Variants in NUGGC observed in about 807,000 individuals in gnomAD.
NUGGC encodes nuclear GTPase SLIP-GC.
In NUGGC, 58 loss-of-function variants were observed where a neutral mutation model predicts 92.6. That is an observed-to-expected ratio of 0.63 (90% confidence interval 0.51 to 0.78). The LOEUF is 0.78. Among genes scored for constraint, NUGGC ranks in the 30% least tolerant of loss-of-function variants. NUGGC has a pLI of 0.00. For synonymous variants in NUGGC, 376 were observed against 366.4 expected (o/e 1.03, Z -0.30); for missense variants, 925 against 964.6 (o/e 0.96, Z 0.54).
chr8:28,076,058 G>A (rs1279265286), intron 1 of NUGGC, among the ~76,000 whole-genome samples: 3 of 152,094 alleles, frequency 2.0e-5, no homozygotes, highest in Non-Finnish European at 2.9e-5. Context: ...CATTCCCCCC[G>A]TGTGTCCCCG....
Position 28,060,541 on chromosome 8 carries a change from G to GC in NUGGC, c.981dup (p.Gln328AlafsTer9). 1 of 1,613,142 alleles carries GC rather than the reference G, an allele frequency of 6.2e-7. No homozygotes were observed. The highest frequency in any genetic ancestry group is 1.7e-5 in the Admixed American group (1 of 59,954). ...TCATTCAGAAGGTCTTCGTGGGCTT[G>GC]CCCCCCAGAAACTCGCTCTATGTCG... On this transcript the variant is annotated frameshift_variant, in exon 8 of 19. Transcript: ENST00000413272. LOFTEE classifies it high-confidence loss of function.
chr8:28,068,980 C>A (rs1810518710), intron 4 of NUGGC, among the ~76,000 whole-genome samples: 1 of 152,184 alleles, frequency 6.6e-6, no homozygotes, highest in South Asian at 2.1e-4. Flanking sequence ...CCGCCTCGGC[C>A]TCCCAAAGTG....
At chr8:28,069,708 G>T in intron 3 of NUGGC, 56 bp from the exon 4 acceptor site, 1 of 931,718 alleles carries the variant, frequency 1.1e-6, no homozygotes, top group South Asian at 1.3e-5. Context: ...AAAGTACTAG[G>T]TCTCCAAAGG....
At position 28,023,360 on chromosome 8, in the gene NUGGC, C is replaced by T. The variant is rs982876365; in HGVS notation, c.2348G>A (p.Arg783Lys). 9 of 1,613,820 alleles carry T rather than the reference C, an allele frequency of 5.6e-6. No individual in the cohort carries two copies. The highest frequency in any genetic ancestry group is 4.0e-5 in the African/African-American group (3 of 74,934). The change falls in exon 19 of 19, where the codon AGG becomes AAG. Residue 783 changes from arginine (R) to lysine (K), a missense_variant. Transcript: ENST00000413272. ...GGGGCCAGCCTTGCTGGGGGATGCCCTTAGGAGGAATTCTTGCATGCCCTT... is the reference window on the plus strand; with the variant it reads ...GGGGCCAGCCTTGCTGGGGGATGCCTTTAGGAGGAATTCTTGCATGCCCTT... ...LRKGMQEFLL[R>K]ASPSKAGPPG...
intron 10 of NUGGC, among the ~76,000 whole-genome samples, chr8:28,052,673 G>C (rs1352028659): frequency 6.6e-6 from 1 of 152,198 alleles, no homozygotes; most frequent in Non-Finnish European, 1.5e-5. Flanking sequence ...CCAGAACTGG[G>C]AGATAATAAT....
In NUGGC at chr8:28,029,358, C is replaced by A; in HGVS notation, c.2062G>T (p.Asp688Tyr). 6.2e-7 allele frequency: 1 copy of A among 1,612,476 alleles called. No homozygotes were observed. The highest frequency in any genetic ancestry group is 8.5e-7 in the Non-Finnish European group (1 of 1,179,262). Residue 688 changes from aspartate to tyrosine, a missense_variant, in exon 17 of 19, where the codon GAT becomes TAT. By Grantham distance (160) the Asp-to-Tyr change is radical. Coordinates refer to ENST00000413272, the MANE Select transcript of NUGGC (RefSeq NM_001010906.2). ...CGGTCCACTCCTCTTCTGATGGCAT[C>A]TTTCATCCGCTCACACGCTTTTTTG... ...TGKKACERMK[D>Y]AIRRGVDRQV...
At chr8:28,027,325 C>T (rs909190371) in intron 17 of NUGGC, among the ~76,000 whole-genome samples, 5 of 152,200 alleles carry the variant, frequency 3.3e-5, no homozygotes, top group Admixed American at 6.5e-5. Context: ...CTGGTGCCAG[C>T]TGATCAAATC....
At chr8:28,059,388 G>A (rs1263018719) in intron 8 of NUGGC, among the ~76,000 whole-genome samples, 1 of 152,172 alleles carries the variant, frequency 6.6e-6, no homozygotes, top group Non-Finnish European at 1.5e-5. Context: ...AGGGACAACA[G>A]AGCTCTCCAT....
intron 9 of NUGGC, among the ~76,000 whole-genome samples, chr8:28,056,959 C>T (rs1489671964): frequency 6.6e-6 from 1 of 152,166 alleles, no homozygotes; most frequent in Non-Finnish European, 1.5e-5. Context: ...CGCCAAACAC[C>T]ATGTGATACT....
At position 28,026,947 on chromosome 8, in the gene NUGGC, C is replaced by T. The variant is rs758237555; in HGVS notation, c.2245+15G>A. The T allele has an allele frequency of 6.3e-7, 1 of 1,582,622 alleles. No homozygotes were observed. The highest frequency in any genetic ancestry group is 8.7e-7 in the Non-Finnish European group (1 of 1,151,284). On this transcript the variant is annotated intron_variant, in intron 18 of 18. Coordinates refer to ENST00000413272, the MANE Select transcript of NUGGC (RefSeq NM_001010906.2). ...CTGCACAATCACCCTGTATACAAAGCTTTGGCGTATTTACCTGCAAGCTCC... is the reference window on the plus strand; with the variant it reads ...CTGCACAATCACCCTGTATACAAAGTTTTGGCGTATTTACCTGCAAGCTCC...
chr8:28,032,214 G>A (rs895799693), intron 14 of NUGGC, among the ~76,000 whole-genome samples: 3 of 152,182 alleles, frequency 2.0e-5, no homozygotes, highest in African/African-American at 7.2e-5. Flanking sequence ...AAACAGGGCG[G>A]GGGTGCAATC....
At chr8:28,059,378 A>G (rs1810234826) in intron 8 of NUGGC, among the ~76,000 whole-genome samples, 1 of 152,228 alleles carries the variant, frequency 6.6e-6, no homozygotes, top group Non-Finnish European at 1.5e-5. Flanking sequence ...TCCTAACTAT[A>G]GGGACAACAG....
At chr8:28,033,759 T>A in intron 13 of NUGGC, 62 bp from the exon 14 acceptor site, 2 of 1,432,480 alleles carry the variant, frequency 1.4e-6, no homozygotes, top group Non-Finnish European at 2.0e-6. Context: ...TGGATTAGAA[T>A]TGCATTGCCC....
At chr8:28,050,755 G>A (rs1809975608) in intron 10 of NUGGC, among the ~76,000 whole-genome samples, 1 of 151,250 alleles carries the variant, frequency 6.6e-6, no homozygotes, top group Non-Finnish European at 1.5e-5. Context: ...AGGTTGCAGT[G>A]AGCCAACATT....
chr8:28,047,213 A>G (rs1003226179), intron 11 of NUGGC, among the ~76,000 whole-genome samples: 2 of 151,992 alleles, frequency 1.3e-5, no homozygotes, highest in African/African-American at 4.8e-5. Context: ...CAGGTGATCT[A>G]CCCACTTTGG....
chr8:28,083,450 G>A (rs990730709), intron 1 of NUGGC, among the ~76,000 whole-genome samples: 3 of 152,216 alleles, frequency 2.0e-5, no homozygotes, highest in African/African-American at 7.2e-5. Flanking sequence ...CTACAGCTAA[G>A]AGGAGCCTAA....
At chr8:28,056,461 G>A (rs967134581) in intron 9 of NUGGC, among the ~76,000 whole-genome samples, 5 of 150,040 alleles carry the variant, frequency 3.3e-5, no homozygotes, top group Admixed American at 1.3e-4. Context: ...CTGGGCGACA[G>A]AGTGAGACTG....
chr8:28,081,852 T>C (rs2130301610), intron 1 of NUGGC, among the ~76,000 whole-genome samples: 1 of 147,926 alleles, frequency 6.8e-6, no homozygotes, highest in South Asian at 2.1e-4. Flanking sequence ...CACTCCAGCC[T>C]GGGCAACAGA....
chr8:28,039,144 G>A (rs1585562775), intron 13 of NUGGC, among the ~76,000 whole-genome samples: 1 of 151,914 alleles, frequency 6.6e-6, no homozygotes, highest in South Asian at 2.1e-4. Flanking sequence ...CTTTACTCTT[G>A]GTTCTTTCGG....
Sources: allele counts gnomAD v4.1 joint callset (sites outside exome capture counted in the v4.1 genomes callset), GRCh38; gene constraint gnomAD v4.1.1; transcripts MANE v1.5; gene names NCBI Gene and HGNC (gene_info 2026-07-23, HGNC 2026-07-21).